Variants in BPIFB4 observed in about 807,000 individuals in gnomAD.
BPIFB4 encodes BPI fold containing family B member 4.
BPIFB4 carries 62 observed loss-of-function variants against 69.2 expected under a neutral mutation model. That is an observed-to-expected ratio of 0.90 (90% CI 0.73 to 1.11). The LOEUF (loss-of-function observed/expected upper bound fraction) is 1.11. Ranked by LOEUF, BPIFB4 falls within the 50% of genes least tolerant of loss-of-function variation. BPIFB4 has a pLI of 0.00. For synonymous variants in BPIFB4, 330 were observed against 332.7 expected, an observed-to-expected ratio of 0.99 and a Z score of 0.09; for missense variants, 789 against 792.0, an observed-to-expected ratio of 1.00 and a Z score of 0.04.
At chr20:33,102,643 T>C (rs1981938177) in intron 14 of BPIFB4, among the ~76,000 whole-genome samples, 1 of 152,208 alleles carries the variant, frequency 6.6e-6, no homozygotes, top group Admixed American at 6.5e-5. Flanking sequence ...TTTATGGGAA[T>C]ATCCCCTTTA....
At chr20:33,089,124 A>G in intron 8 of BPIFB4, 95 bp downstream of exon 8, 1 of 1,578,296 alleles carries the variant, frequency 6.3e-7, no homozygotes, top group Non-Finnish European at 8.7e-7. Flanking sequence ...CCTGCAGGTA[A>G]CCCAGAGGGA....
At chr20:33,098,947 T>C (rs1981830523) in intron 13 of BPIFB4, among the ~76,000 whole-genome samples, 1 of 151,284 alleles carries the variant, frequency 6.6e-6, no homozygotes, top group Non-Finnish European at 1.5e-5. Flanking sequence ...CCTGGGATGC[T>C]CTTCCCCCAG....
At position 33,083,594 on chromosome 20, in the gene BPIFB4, C is replaced by T. The variant is rs1384878684; in HGVS notation, c.397C>T (p.His133Tyr). 10 of 1,613,984 alleles carry T rather than the reference C, an allele frequency of 6.2e-6. 1 individual carries two copies. The highest frequency in any genetic ancestry group is 2.2e-5 in the South Asian group (2 of 91,066). The change falls in exon 5 of 18, where the codon CAC (histidine) becomes TAC (tyrosine). Residue 133 changes from histidine (H) to tyrosine (Y), a missense_variant. Around this residue, in one of 3 missense-constraint regions of BPIFB4, gnomAD observed 611 missense variants for 575.4 expected, o/e 1.06. Transcript: ENST00000375483. The part of the protein sequence containing the change: ...YRSAENAYGG[H>Y]RGLGRYRAAP... ...CAGTGCCGAGAATGCATATGGAGGC[C>T]ACAGGGGCCTCGGGCGATACAGGGC...
At chr20:33,103,158 C>A in intron 15 of BPIFB4, 144 bp downstream of exon 15, 1 of 903,734 alleles carries the variant, frequency 1.1e-6, no homozygotes, top group Non-Finnish European at 1.8e-6. Context: ...TATCAGCCCT[C>A]ATTTTGCAGA....
chr20:33,084,853 G>T, intron 5 of BPIFB4, 39 bp from the exon 6 acceptor site: 1 of 1,593,466 alleles, frequency 6.3e-7, no homozygotes, highest in East Asian at 2.3e-5. Flanking sequence ...GGTGGTAGTT[G>T]GGGTGGCCGG....
intron 16 of BPIFB4, among the ~76,000 whole-genome samples, chr20:33,105,419 C>A (rs368556430): frequency 1.1e-3 from 165 of 152,272 alleles, no homozygotes; most frequent in African/African-American, 3.6e-3. Context: ...AATCTGCCCC[C>A]CTAGGGAACC....
In BPIFB4 at chr20:33,096,729, T is replaced by C. The variant is rs552631106; in HGVS notation, c.1399-888T>C. Among the ~76,000 whole-genome samples, 5 of 152,222 alleles carry C rather than the reference T, an allele frequency of 3.3e-5. No homozygotes were observed. The South Asian group carries it at 1.0e-3, about 32-fold the overall frequency. On this transcript the variant is annotated intron_variant, in intron 12 of 17. Coordinates refer to ENST00000375483, the MANE Select transcript of BPIFB4 (RefSeq NM_182519.3). ...GGTAGAATAGGGACTGAGTCCTCAG[T>C]GGCGCTGGGACTGCAGCAGGGGGGA...
intron 1 of BPIFB4, among the ~76,000 whole-genome samples, chr20:33,080,023 T>C (rs1421828221): frequency 1.3e-5 from 2 of 152,240 alleles, no homozygotes; most frequent in Non-Finnish European, 1.5e-5. Flanking sequence ...CCCATCTTTT[T>C]AACTGAAAGG....
chr20:33,098,829 C>T (rs951492163), intron 13 of BPIFB4, among the ~76,000 whole-genome samples: 4 of 152,010 alleles, frequency 2.6e-5, no homozygotes, highest in Non-Finnish European at 4.4e-5. Context: ...GACAATGGCC[C>T]ACAAAGTCCT....
intron 14 of BPIFB4, among the ~76,000 whole-genome samples, chr20:33,101,461 G>A (rs1600562159): frequency 6.6e-6 from 1 of 152,180 alleles, no homozygotes; most frequent in African/African-American, 2.4e-5. Flanking sequence ...TCACTACCTC[G>A]TAAGATTCAT....
chr20:33,110,781 C>T (rs1415720521), intron 17 of BPIFB4, among the ~76,000 whole-genome samples: 2 of 137,716 alleles, frequency 1.5e-5, no homozygotes, highest in Admixed American at 7.2e-5. Context: ...TATGGGTTAT[C>T]ATCTCTTACT....
chr20:33,088,257 C>A (rs968604425), intron 7 of BPIFB4, among the ~76,000 whole-genome samples: 3 of 150,966 alleles, frequency 2.0e-5, no homozygotes, highest in Admixed American at 1.3e-4. Flanking sequence ...AGGAGGATTT[C>A]TTGAGCCCGG....
At chr20:33,099,483 C>T (rs1372094422) in intron 13 of BPIFB4, among the ~76,000 whole-genome samples, 1 of 152,202 alleles carries the variant, frequency 6.6e-6, no homozygotes, top group African/African-American at 2.4e-5. Context: ...CCCAGGGATG[C>T]AGCCCTGACT....
Position 33,110,736 on chromosome 20 carries a change from G to A in BPIFB4, c.1822-678G>A, listed in dbSNP as rs7270697. Among the ~76,000 whole-genome samples, 1,048 of 144,376 alleles carry A rather than the reference G, an allele frequency of 7.3e-3. 7 individuals are homozygous for A. The highest frequency in any genetic ancestry group is 0.021 in the African/African-American group (803 of 37,390). The allele number at this position is 144,376 out of a possible 152,430, so 94.7% of individuals were successfully genotyped here. A position where few individuals can be genotyped will look rare whatever the true frequency, so the allele number is the denominator to read the frequency against. ...ATCCATTTAATTATTTATTTCTGTC[G>A]ATAGAGACTCACGAATTTTTTTTTT... On this transcript the variant is annotated intron_variant, in intron 17 of 17. Transcript: ENST00000375483.
At chr20:33,081,805 G>A (rs1355091126) in intron 3 of BPIFB4, among the ~76,000 whole-genome samples, 173 bp downstream of exon 3, 1 of 152,204 alleles carries the variant, frequency 6.6e-6, no homozygotes, top group African/African-American at 2.4e-5. Context: ...CATTTCCTGA[G>A]CACCTACTAT....
At chr20:33,089,676 G>A in intron 9 of BPIFB4, 118 bp downstream of exon 9, 1 of 1,526,344 alleles carries the variant, frequency 6.6e-7, no homozygotes, top group Non-Finnish European at 8.8e-7. Context: ...GAAGTGAGGA[G>A]TGGCTAATGC....
chr20:33,084,924 T>C lies in BPIFB4; in HGVS notation c.710T>C (p.Val237Ala). ...ATCGTGGAGCTGACCCTCCCTCGGG[T>C]GTCCGTGCGGCTCCTGCCCGGCGTG... ...LRIVELTLPR[V>A]SVRLLPGVGV... is the part of the protein sequence containing the mutation. Residue 237 changes from valine to alanine, a missense_variant, in exon 6 of 18, where the codon GTG becomes GCG. Physicochemically the swap from Val to Ala is moderately conservative, Grantham distance 64 (BLOSUM62 0). Coordinates refer to ENST00000375483, the MANE Select transcript of BPIFB4 (RefSeq NM_182519.3). The C allele has an allele frequency of 6.2e-7, 1 of 1,610,454 alleles. No homozygotes were observed. The highest frequency in any genetic ancestry group is 2.2e-5 in the East Asian group (1 of 44,858).
At chr20:33,082,896 A>G in intron 3 of BPIFB4, 42 bp from the exon 4 acceptor site, 2 of 1,579,628 alleles carry the variant, frequency 1.3e-6, no homozygotes, top group East Asian at 2.2e-5. Context: ...GGAGGTGGAA[A>G]AAAGGGAGGA....
intron 16 of BPIFB4, among the ~76,000 whole-genome samples, chr20:33,106,000 C>G (rs544183254): frequency 6.6e-6 from 1 of 152,306 alleles, no homozygotes; most frequent in African/African-American, 2.4e-5. Flanking sequence ...CACAAAATAC[C>G]CTGCAAAAAG....
Sources: gnomAD v4.1 joint callset for allele counts (sites outside exome capture counted in the v4.1 genomes callset) on GRCh38, gnomAD v4.1.1 for gene constraint, gnomAD v4.1.1 regional missense constraint, MANE v1.5 for transcripts, NCBI Gene and HGNC (gene_info 2026-07-23, HGNC 2026-07-21) for gene names.